Variants in HSPA12A observed in about 807,000 individuals in gnomAD.
HSPA12A encodes the protein heat shock protein family A (Hsp70) member 12A.
Under a neutral mutation model 69.2 loss-of-function variants are expected in HSPA12A, and 28 were observed. The observed-to-expected ratio is 0.40, with a 90% confidence interval of 0.30 to 0.55. HSPA12A has a LOEUF of 0.55. Among genes scored for constraint, HSPA12A ranks in the 20% least tolerant of loss-of-function variants. The pLI, the probability that HSPA12A is intolerant of heterozygous loss-of-function variation, is 0.38. For missense variants in HSPA12A, 686 were observed against 900.7 expected, an observed-to-expected ratio of 0.76 and a Z score of 3.05; for synonymous variants, 345 against 370.5, an observed-to-expected ratio of 0.93 and a Z score of 0.79.
chr10:116,811,373 C>T (rs1202137987), intron 2 of HSPA12A, among the ~76,000 whole-genome samples: 1 of 152,144 alleles, frequency 6.6e-6, no homozygotes, highest in Middle Eastern at 3.4e-3. Context: ...GATTCCTGGC[C>T]CCCAGGCCAC....
chr10:116,783,498 G>GA (rs782217735), intron 2 of HSPA12A, among the ~76,000 whole-genome samples: 6 of 152,168 alleles, frequency 3.9e-5, no homozygotes, highest in Non-Finnish European at 7.3e-5. Flanking sequence ...GCTGCACACG[G>GA]ACAAAGAGCT....
chr10:116,770,749 C>T (rs1486522097), intron 2 of HSPA12A, among the ~76,000 whole-genome samples: 1 of 152,178 alleles, frequency 6.6e-6, no homozygotes, highest in African/African-American at 2.4e-5. Flanking sequence ...CCCAGGTGCT[C>T]GGGACAGCCC....
Position 116,686,354 on chromosome 10 carries a change from A to T in HSPA12A, c.664-2392T>A, listed in dbSNP as rs955164627. ...CATCCTTGAGGTTGTGGAGTCAAGGACCTCCCAGGAGCATAGAAGGTCCAA... is the reference window on the plus strand; with the variant it reads ...CATCCTTGAGGTTGTGGAGTCAAGGTCCTCCCAGGAGCATAGAAGGTCCAA... On this transcript the variant is annotated intron_variant, in intron 6 of 11. Transcript: ENST00000369209. This position sits in a 1 kb window ranked among gnomAD's most constrained non-coding sequence, Gnocchi z 4.1. 2.6e-5 allele frequency among the ~76,000 whole-genome samples: 4 copies of T among 151,956 alleles called. No individual in the cohort carries two copies. Among genetic ancestry groups the T allele is most frequent in the Admixed American group, 1.3e-4 (2 of 15,254 alleles).
intron 1 of HSPA12A, among the ~76,000 whole-genome samples, chr10:116,742,035 G>C (rs1346794159): frequency 6.6e-6 from 1 of 152,126 alleles, no homozygotes; most frequent in Non-Finnish European, 1.5e-5. Context: ...ACCCGGCGGC[G>C]GGCCCTTTAC....
rs550788617 is a variant in HSPA12A, at chr10:116,781,514, G to C, written c.91+53421C>G. ...AATAAAAACTGAAGGGGAGGAGTGGGGAGGGGTGGTGCAGGAGCCCCACAG... is the reference window on the plus strand; with the variant it reads ...AATAAAAACTGAAGGGGAGGAGTGGCGAGGGGTGGTGCAGGAGCCCCACAG... On this transcript the variant is annotated intron_variant, in intron 2 of 12. Coordinates refer to the HSPA12A transcript ENST00000635765. 3.3e-5 allele frequency among the ~76,000 whole-genome samples: 5 copies of C among 152,138 alleles called. No homozygotes were observed. The East Asian group carries it at 9.7e-4, about 29-fold the overall frequency.
chr10:116,804,537 C>T (rs1221403635), intron 2 of HSPA12A, among the ~76,000 whole-genome samples: 3 of 152,116 alleles, frequency 2.0e-5, no homozygotes, highest in Admixed American at 6.5e-5. Context: ...TCTCCCTTTA[C>T]CCCCAGCCCC....
In HSPA12A at chr10:116,710,280, A is replaced by G. The variant is rs1338431667; in HGVS notation, c.41-2995T>C. On this transcript the variant is annotated intron_variant, in intron 1 of 11. Transcript: ENST00000369209. This position sits in a 1 kb window ranked among gnomAD's most constrained non-coding sequence, Gnocchi z 4.1. ...TCCACATTTGCACAGACGGTCCTGA[A>G]AGAAACCAAATGTCTAATTGCCCAG... 1.4e-4 allele frequency among the ~76,000 whole-genome samples: 22 copies of G among 152,206 alleles called. 1 individual carries two copies. The highest frequency in any genetic ancestry group is 1.4e-3 in the Admixed American group (21 of 15,290).
Position 116,755,598 on chromosome 10 carries a change from T to C in HSPA12A, c.92-48313A>G, listed in dbSNP as rs141473045. Among the ~76,000 whole-genome samples, 802 of 111,690 alleles carry C rather than the reference T, an allele frequency of 7.2e-3. 7 individuals carry two copies. Among genetic ancestry groups the C allele is most frequent in the African/African-American group, 0.027 (735 of 27,662 alleles). The allele number at this position is 111,690 out of a possible 152,430, so 73.3% of individuals were successfully genotyped here. ...CTGCACTCCAGCCTGGGTGAAAGAG[T>C]GAGACTGTCTCAAAAAAAAAAAAAA... On this transcript the variant is annotated intron_variant, in intron 2 of 12. Coordinates refer to the HSPA12A transcript ENST00000635765.
chr10:116,847,919 G>T (rs1845923012), intron 1 of HSPA12A, among the ~76,000 whole-genome samples: 1 of 152,186 alleles, frequency 6.6e-6, no homozygotes. Flanking sequence ...AATGGGGAAA[G>T]AGTTCAGAAG....
chr10:116,757,885 C>T (rs782720552), intron 2 of HSPA12A, among the ~76,000 whole-genome samples: 5 of 152,210 alleles, frequency 3.3e-5, no homozygotes, highest in Admixed American at 6.5e-5. Flanking sequence ...CATCTATCTA[C>T]TTCTCTACCT....
intron 1 of HSPA12A, among the ~76,000 whole-genome samples, chr10:116,732,718 A>T (rs1164840228): frequency 6.6e-6 from 1 of 152,216 alleles, no homozygotes; most frequent in Non-Finnish European, 1.5e-5. Context: ...TACTTTTTTA[A>T]AATGTAACTC....
intron 2 of HSPA12A, among the ~76,000 whole-genome samples, chr10:116,754,231 T>A (rs1167354344): frequency 9.9e-5 from 15 of 152,110 alleles, no homozygotes; most frequent in Admixed American, 9.8e-4. Context: ...TCTTCACTCA[T>A]AACGGGGAAA....
chr10:116,812,333 A>G (rs1158509030), intron 2 of HSPA12A, among the ~76,000 whole-genome samples: 1 of 152,042 alleles, frequency 6.6e-6, no homozygotes, highest in Non-Finnish European at 1.5e-5. Context: ...CGTGCCTGTA[A>G]TCCCAGCTAC....
chr10:116,717,502 T>G (rs1204480169), intron 1 of HSPA12A, among the ~76,000 whole-genome samples: 1 of 152,068 alleles, frequency 6.6e-6, no homozygotes, highest in Admixed American at 6.5e-5. Context: ...AGGCACATAT[T>G]GGTAAGAGAG....
intron 2 of HSPA12A, among the ~76,000 whole-genome samples, chr10:116,804,502 AC>A (rs1845027291): frequency 1.3e-5 from 2 of 150,938 alleles, no homozygotes; most frequent in South Asian, 4.2e-4. Flanking sequence ...GGCCAACTCC[AC>A]TCCAGGTCTC....
At chr10:116,770,462 T>G (rs745919953) in intron 2 of HSPA12A, among the ~76,000 whole-genome samples, 5 of 152,046 alleles carry the variant, frequency 3.3e-5, no homozygotes, top group Non-Finnish European at 4.4e-5. Context: ...CCTCCTTGGG[T>G]CTGGGAATGT....
intron 2 of HSPA12A, among the ~76,000 whole-genome samples, chr10:116,763,622 T>C (rs1844017991): frequency 6.6e-6 from 1 of 152,186 alleles, no homozygotes; most frequent in Non-Finnish European, 1.5e-5. Context: ...GCCTTGGCCC[T>C]GGGCAAAGAC....
chr10:116,673,812 A>C lies in HSPA12A; in HGVS notation c.*969T>G, dbSNP rs1043498922. On this transcript the variant is annotated 3_prime_UTR_variant, in exon 12 of 12. Coordinates refer to ENST00000369209, the MANE Select transcript of HSPA12A (RefSeq NM_025015.3). ...TTCAAAATGTGGAATTAAATGGCCAAAACTCTTAGGGAGATGAAGGTGAGT... is the reference window on the plus strand; with the variant it reads ...TTCAAAATGTGGAATTAAATGGCCACAACTCTTAGGGAGATGAAGGTGAGT... 47 of 152,332 alleles carry C rather than the reference A, an allele frequency of 3.1e-4. No individual in the cohort carries two copies. Among genetic ancestry groups the C allele is most frequent in the African/African-American group, 1.1e-3 (47 of 41,576 alleles). The allele number at this position is 152,332 out of a possible 1,614,324, so 9.4% of individuals were successfully genotyped here.
At chr10:116,685,968 A>G (rs1046369336) in intron 6 of HSPA12A, among the ~76,000 whole-genome samples, 1 of 152,142 alleles carries the variant, frequency 6.6e-6, no homozygotes, top group African/African-American at 2.4e-5. Context: ...GCTACGGCCA[A>G]CCACCCGGGC....
Sources: gnomAD v4.1 joint callset for allele counts (sites outside exome capture counted in the v4.1 genomes callset) on GRCh38, gnomAD v4.1.1 for gene constraint, Gnocchi (gnomAD v3.1) non-coding constraint, MANE v1.5 for transcripts, NCBI Gene and HGNC (gene_info 2026-07-23, HGNC 2026-07-21) for gene names.